The following PAM variants were observed in gnomAD, a reference collection of about 807,000 sequenced individuals.
The protein encoded by PAM is peptidyl-glycine alpha-amidating monooxygenase.
In PAM, 72 loss-of-function variants were observed where a neutral mutation model predicts 122.1. The ratio of observed to expected loss-of-function variants is 0.59; its 90% CI spans 0.49 to 0.72. PAM has a LOEUF of 0.72. Ranked by LOEUF, PAM falls within the 30% of genes least tolerant of loss-of-function variation. PAM has a pLI of 0.00. For missense variants in PAM, 1,106 were observed against 1,183.7 expected (o/e 0.93, Z 0.96); for synonymous variants, 389 against 404.4 (o/e 0.96, Z 0.46).
intron 1 of PAM, among the ~76,000 whole-genome samples, chr5:102,767,169 T>C (rs936360198): frequency 2.0e-5 from 3 of 151,888 alleles, no homozygotes; most frequent in African/African-American, 7.3e-5. Context: ...TTTACTTTTC[T>C]CTTAGAATTA....
intron 3 of PAM, among the ~76,000 whole-genome samples, chr5:102,898,477 C>A (rs950596038): frequency 1.1e-4 from 17 of 151,686 alleles, no homozygotes; most frequent in Middle Eastern, 3.4e-3. Context: ...TTATAATGGG[C>A]AATAAGGTGC....
At chr5:102,804,372 AG>A (rs1232929142) in intron 1 of PAM, among the ~76,000 whole-genome samples, 1 of 152,162 alleles carries the variant, frequency 6.6e-6, no homozygotes, top group African/African-American at 2.4e-5. Context: ...GAACATTATA[AG>A]ATGCCTGATA....
chr5:102,850,524 T>C (rs1293206501), intron 1 of PAM, among the ~76,000 whole-genome samples: 1 of 152,200 alleles, frequency 6.6e-6, no homozygotes, highest in Non-Finnish European at 1.5e-5. Flanking sequence ...TCTTTTTGTG[T>C]GAGTAGGCAG....
intron 7 of PAM, among the ~76,000 whole-genome samples, chr5:102,942,577 A>C (rs1274299791): frequency 6.6e-6 from 1 of 150,518 alleles, no homozygotes; most frequent in Non-Finnish European, 1.5e-5. Context: ...TTGCTTCCAA[A>C]TTTTCTAAAT....
chr5:102,924,393 A>AT (rs934815315), intron 5 of PAM, among the ~76,000 whole-genome samples: 2 of 147,766 alleles, frequency 1.4e-5, no homozygotes, highest in African/African-American at 5.0e-5. Flanking sequence ...AGATCGCGCC[A>AT]TTGCACTCCA....
intron 1 of PAM, among the ~76,000 whole-genome samples, chr5:102,807,439 G>A (rs1242924068): frequency 6.6e-6 from 1 of 152,198 alleles, no homozygotes; most frequent in Non-Finnish European, 1.5e-5. Context: ...ATTGTTAGAA[G>A]TAGAAGTAAT....
At chr5:102,901,528 A>G (rs1446367117) in intron 4 of PAM, 115 bp downstream of exon 4, 1 of 672,322 alleles carries the variant, frequency 1.5e-6, no homozygotes, top group Non-Finnish European at 2.7e-6. Flanking sequence ...GTCAGTTTCT[A>G]AAATGCATTT....
chr5:103,025,275 T>C lies in PAM; in HGVS notation c.2630T>C (p.Val877Ala). 1 of 1,613,778 alleles carries C rather than the reference T, an allele frequency of 6.2e-7. No homozygotes were observed. The highest frequency in any genetic ancestry group is 8.5e-7 in the Non-Finnish European group (1 of 1,179,748). ...ATTACAACCCTTCTGGTTATTCCGG[T>C]GGTTGTCCTGCTGGCCATTGCCATA... ...VLITTLLVIP[V>A]VVLLAIAIFI... Residue 877 changes from valine to alanine, a missense_variant, in exon 24 of 26, where the codon GTG (valine) becomes GCG (alanine). By Grantham distance (64) the Val-to-Ala change is moderately conservative. Coordinates refer to ENST00000438793, the MANE Select transcript of PAM (RefSeq NM_001177306.2).
At chr5:102,828,721 A>G (rs1033942121) in intron 1 of PAM, among the ~76,000 whole-genome samples, 2 of 152,336 alleles carry the variant, frequency 1.3e-5, no homozygotes, top group Non-Finnish European at 2.9e-5. Flanking sequence ...TGTAAATGTC[A>G]GTGTGGGAGA....
rs1766867141 is a variant in PAM, at chr5:102,974,246, A to G, written c.1293A>G (p.Gln431=). 6.2e-7 allele frequency: 1 copy of G among 1,614,044 alleles called. No homozygotes were observed. Among genetic ancestry groups the G allele is most frequent in the African/African-American group, 1.3e-5 (1 of 75,032 alleles). Residue 431 remains glutamine, a synonymous_variant, in exon 15 of 26, where the codon CAA becomes CAG. Coordinates refer to ENST00000438793, the MANE Select transcript of PAM (RefSeq NM_001177306.2). ...TAGCTGAGATTGCAAATGTAGTCCA[A>G]AAAAAGGATCTTGGTCGATCTGATG... ...DLVAEIANVV[Q]KKDLGRSDAR...
intron 1 of PAM, among the ~76,000 whole-genome samples, chr5:102,784,528 T>C (rs1759972361): frequency 6.6e-6 from 1 of 152,222 alleles, no homozygotes; most frequent in Non-Finnish European, 1.5e-5. Flanking sequence ...TAAACTCTGA[T>C]TACTTTTGTG....
At chr5:102,768,400 A>C (rs1754753126) in intron 1 of PAM, among the ~76,000 whole-genome samples, 1 of 152,062 alleles carries the variant, frequency 6.6e-6, no homozygotes, top group Non-Finnish European at 1.5e-5. Flanking sequence ...ATTCTCATTG[A>C]CTACAGTCAC....
intron 14 of PAM, among the ~76,000 whole-genome samples, chr5:102,968,890 C>T (rs989294012): frequency 6.6e-6 from 1 of 152,132 alleles, no homozygotes; most frequent in Non-Finnish European, 1.5e-5. Context: ...ACATATACAC[C>T]ATGGACTACT....
intron 4 of PAM, among the ~76,000 whole-genome samples, chr5:102,909,981 G>C (rs374772615): frequency 6.6e-6 from 1 of 151,762 alleles, no homozygotes; most frequent in Non-Finnish European, 1.5e-5. Flanking sequence ...AATTGTTCCT[G>C]CCATTTCCAA....
At chr5:102,920,441 A>T (rs919174519) in intron 5 of PAM, among the ~76,000 whole-genome samples, 3 of 152,182 alleles carry the variant, frequency 2.0e-5, no homozygotes, top group African/African-American at 7.2e-5. Context: ...AGTTTCTGTG[A>T]TGCTATTTAT....
intron 4 of PAM, among the ~76,000 whole-genome samples, chr5:102,913,236 A>T (rs930526427): frequency 1.3e-5 from 2 of 151,914 alleles, no homozygotes; most frequent in African/African-American, 2.4e-5. Context: ...TATATTTTTA[A>T]TTTTTTCTCT....
At chr5:102,772,168 T>C (rs1561401931) in intron 1 of PAM, among the ~76,000 whole-genome samples, 1 of 152,110 alleles carries the variant, frequency 6.6e-6, no homozygotes, top group African/African-American at 2.4e-5. Context: ...TTCTTTGAGA[T>C]TAATGCACAT....
intron 3 of PAM, among the ~76,000 whole-genome samples, chr5:102,882,081 A>G (rs1452699199): frequency 3.2e-5 from 2 of 62,926 alleles, no homozygotes; most frequent in Admixed American, 3.0e-4. Context: ...ATATATATAT[A>G]TATATATATA....
intron 3 of PAM, among the ~76,000 whole-genome samples, chr5:102,889,581 G>A (rs1794158081): frequency 6.6e-6 from 1 of 151,660 alleles, no homozygotes; most frequent in Non-Finnish European, 1.5e-5. Context: ...TTTTTTTAAT[G>A]GAACATTGAT....
Sources: allele counts gnomAD v4.1 joint callset (sites outside exome capture counted in the v4.1 genomes callset), GRCh38; gene constraint gnomAD v4.1.1; transcripts MANE v1.5; gene names NCBI Gene and HGNC (gene_info 2026-07-23, HGNC 2026-07-21).